The following SORCS2 variants were observed in gnomAD, a reference collection of about 807,000 sequenced individuals.
The protein encoded by SORCS2 is VPS10 domain-containing receptor SorCS2.
Under a neutral mutation model 141.6 loss-of-function variants are expected in SORCS2, and 100 were observed. The ratio of observed to expected loss-of-function variants is 0.71; its 90% CI spans 0.60 to 0.83. SORCS2 has a LOEUF of 0.83. Among genes scored for constraint, SORCS2 ranks in the 40% least tolerant of loss-of-function variants. The pLI is 0.00. For synonymous variants in SORCS2, 789 were observed against 676.9 expected (o/e 1.17, Z -2.57); for missense variants, 1,646 against 1,560.2 (o/e 1.05, Z -0.93).
chr4:7,387,725 T>C (rs1244015837), intron 1 of SORCS2, among the ~76,000 whole-genome samples: 143 of 134,396 alleles, frequency 1.1e-3, no homozygotes, highest in African/African-American at 3.9e-3. Flanking sequence ...TGCACACACA[T>C]ACACATTTGC....
chr4:7,615,815 G>A (rs1718721816), intron 3 of SORCS2, among the ~76,000 whole-genome samples: 1 of 152,194 alleles, frequency 6.6e-6, no homozygotes, highest in African/African-American at 2.4e-5. Flanking sequence ...CAGCTGACCA[G>A]GGGTGACCAA....
At chr4:7,504,987 G>A (rs912680007) in intron 2 of SORCS2, among the ~76,000 whole-genome samples, 1 of 152,158 alleles carries the variant, frequency 6.6e-6, no homozygotes, top group Non-Finnish European at 1.5e-5. Flanking sequence ...CTGAGCCAGG[G>A]GACCGAACCC....
At position 7,480,476 on chromosome 4, in the gene SORCS2, C is replaced by A. The variant is rs552090008; in HGVS notation, c.549-51054C>A. Among the ~76,000 whole-genome samples the A allele has an allele frequency of 2.6e-5, 4 of 152,302 alleles. No individual in the cohort carries two copies. In the South Asian group the frequency reaches 8.3e-4, roughly 32 times the overall value. On this transcript the variant is annotated intron_variant, in intron 2 of 26. Transcript: ENST00000507866. ...ACCTGACCCACTGCAGGTGGGAGAC[C>A]ATGCTCTGAAGCTGGGCAGCGTGCT... is the stretch of plus-strand genomic sequence containing the variant.
chr4:7,240,022 G>GT lies in SORCS2; in HGVS notation c.480+46896_480+46897insT, dbSNP rs1213220751. On this transcript the variant is annotated intron_variant, in intron 1 of 26. Coordinates refer to ENST00000507866, the MANE Select transcript of SORCS2 (RefSeq NM_020777.3). ...GCACAGGAAAGCTCTGCTCTCCACA[G>GT]AAGGGAATCTGAGCTTCCTCACTGT... Among the ~76,000 whole-genome samples, 4 of 152,332 alleles carry GT rather than the reference G, an allele frequency of 2.6e-5. No homozygotes were observed. In the East Asian group the frequency reaches 5.8e-4, roughly 22 times the overall value.
intron 3 of SORCS2, among the ~76,000 whole-genome samples, chr4:7,568,224 C>T (rs1715154040): frequency 6.6e-6 from 1 of 152,210 alleles, no homozygotes; most frequent in Non-Finnish European, 1.5e-5. Flanking sequence ...AAATCTTTCA[C>T]AGCACACCTA....
chr4:7,437,321 G>A (rs1727373534), intron 2 of SORCS2, among the ~76,000 whole-genome samples: 2 of 152,202 alleles, frequency 1.3e-5, no homozygotes, highest in African/African-American at 4.8e-5. Flanking sequence ...TATGACTCAG[G>A]AGGCTGTGTA....
intron 3 of SORCS2, among the ~76,000 whole-genome samples, chr4:7,632,600 T>A (rs1267547305): frequency 1.3e-5 from 2 of 152,146 alleles, no homozygotes; most frequent in Non-Finnish European, 1.5e-5. Flanking sequence ...CTCGCCTCCG[T>A]GTCACCACCT....
intron 2 of SORCS2, among the ~76,000 whole-genome samples, chr4:7,405,808 T>C (rs914914994): frequency 1.4e-4 from 22 of 152,268 alleles, no homozygotes; most frequent in Admixed American, 1.2e-3. Flanking sequence ...CTTCCTCTTT[T>C]CCAATTTGGA....
At chr4:7,544,051 G>GCCACCCACCCATCCATCCAC (rs1713050528) in intron 3 of SORCS2, among the ~76,000 whole-genome samples, 1 of 50,210 alleles carries the variant, frequency 2.0e-5, no homozygotes, top group African/African-American at 8.7e-5. Context: ...CATCCATCCA[G>GCCACCCACCCATCCATCCAC]CCACCCACCC....
chr4:7,664,398 T>A lies in SORCS2; in HGVS notation c.998T>A (p.Met333Lys). The change falls in exon 7 of 27, where the codon ATG (methionine) becomes AAG (lysine). Residue 333 changes from methionine (M) to lysine (K), a missense_variant. By Grantham distance (95) the Met-to-Lys change is moderately conservative. Coordinates refer to ENST00000507866, the MANE Select transcript of SORCS2 (RefSeq NM_020777.3). The surrounding 1 kb of genome is among the most constrained non-coding windows in gnomAD (Gnocchi z 4.7). ...TCAIHNCSEK[M>K]LTAPFAGPID... is the part of the protein sequence containing the mutation. ...GCAATCCACAATTGCTCCGAGAAGA[T>A]GCTGACAGCCCCATTCGCAGGCCCC... 1.2e-6 allele frequency: 2 copies of A among 1,613,786 alleles called. No individual in the cohort carries two copies.
chr4:7,523,275 A>C (rs1031816770), intron 2 of SORCS2, among the ~76,000 whole-genome samples: 1 of 152,172 alleles, frequency 6.6e-6, no homozygotes, highest in African/African-American at 2.4e-5. Context: ...TGTCAGTGCT[A>C]GTGCTTAGAC....
intron 1 of SORCS2, among the ~76,000 whole-genome samples, chr4:7,209,949 T>C (rs902389282): frequency 6.6e-6 from 1 of 152,142 alleles, no homozygotes; most frequent in Non-Finnish European, 1.5e-5. Context: ...GTGAAGTCCA[T>C]GGTTGGGACC....
At chr4:7,655,595 C>T (rs1466579653) in intron 5 of SORCS2, among the ~76,000 whole-genome samples, 5 of 152,246 alleles carry the variant, frequency 3.3e-5, no homozygotes, top group South Asian at 2.1e-4. Flanking sequence ...GTGTACACGC[C>T]GTTGGCTCAT....
chr4:7,428,934 G>C (rs1726640132), intron 2 of SORCS2, among the ~76,000 whole-genome samples: 1 of 152,144 alleles, frequency 6.6e-6, no homozygotes. Flanking sequence ...CAGTCTGAGT[G>C]AGCCGAGTGG....
At chr4:7,383,232 A>G (rs1376002971) in intron 1 of SORCS2, among the ~76,000 whole-genome samples, 5 of 152,094 alleles carry the variant, frequency 3.3e-5, no homozygotes, top group Admixed American at 2.0e-4. Context: ...AGAACCTCCA[A>G]CCTCTACCTT....
At position 7,408,635 on chromosome 4, in the gene SORCS2, T is replaced by G. The variant is rs373589917; in HGVS notation, c.548+12280T>G. Among the ~76,000 whole-genome samples, 3 of 152,318 alleles carry G rather than the reference T, an allele frequency of 2.0e-5. No homozygotes were observed. In the East Asian group the frequency reaches 5.8e-4, roughly 29 times the overall value. ...CTCTGACCTTCCTGTACCTGGATAT[T>G]TATATCTTTTTCAAGTTTTGGAAAG... On this transcript the variant is annotated intron_variant, in intron 2 of 26. Coordinates refer to ENST00000507866, the MANE Select transcript of SORCS2 (RefSeq NM_020777.3).
chr4:7,706,075 G>GGCTCCGTCTGGGCAGGGATGAGGCTGA (rs1560498541), intron 14 of SORCS2, among the ~76,000 whole-genome samples: 133 of 144,134 alleles, frequency 9.2e-4, no homozygotes, highest in Middle Eastern at 3.6e-3. Flanking sequence ...GATGAGGCTG[G>GGCTCCGTCTGGGCAGGGATGAGGCTGA]GCTCTGCCTG....
rs999199363 is a variant in SORCS2 at position 7,496,546 on chromosome 4, T to G, written c.549-34984T>G. Among the ~76,000 whole-genome samples the G allele has an allele frequency of 2.0e-5, 3 of 149,208 alleles. No individual in the cohort carries two copies. In the South Asian group the frequency reaches 6.5e-4, roughly 32 times the overall value. ...AGGCTGTAAAATTAGCAACTTAATTTTGGGTGTCAGGAAATCAGTTGAGGG... is the reference window on the plus strand; with the variant it reads ...AGGCTGTAAAATTAGCAACTTAATTGTGGGTGTCAGGAAATCAGTTGAGGG... On this transcript the variant is annotated intron_variant, in intron 2 of 26. Transcript: ENST00000507866.
chr4:7,358,935 C>T (rs1721421498), intron 1 of SORCS2, among the ~76,000 whole-genome samples: 1 of 152,070 alleles, frequency 6.6e-6, no homozygotes, highest in South Asian at 2.1e-4. Flanking sequence ...AACTCCTGGG[C>T]TCAAGTGATC....
Sources: gnomAD v4.1 joint callset for allele counts (sites outside exome capture counted in the v4.1 genomes callset) on GRCh38, gnomAD v4.1.1 for gene constraint, Gnocchi (gnomAD v3.1) non-coding constraint, MANE v1.5 for transcripts, NCBI Gene and HGNC (gene_info 2026-07-23, HGNC 2026-07-21) for gene names.